The following FIGNL1 variants were observed in gnomAD, a reference collection of about 807,000 sequenced individuals.
The protein encoded by FIGNL1 is fidgetin like 1, also known as fidgetin-like protein 1.
Under a neutral mutation model 28.9 loss-of-function variants are expected in FIGNL1, and 11 were observed. The ratio of observed to expected loss-of-function variants is 0.38; its 90% CI spans 0.24 to 0.63. The LOEUF is 0.63. FIGNL1 is among the 20% of genes least tolerant of loss of function. The probability of loss-of-function intolerance (pLI) is 0.57; values close to 1 mark genes in which losing one functional copy is unlikely to be tolerated. For synonymous variants in FIGNL1, 295 were observed against 276.5 expected, an observed-to-expected ratio of 1.07 and a Z score of -0.66; for missense variants, 789 against 810.4, an observed-to-expected ratio of 0.97 and a Z score of 0.32.
In FIGNL1 at chr7:50,446,880, T is replaced by C; in HGVS notation, c.408A>G (p.Ser136=). The C allele has an allele frequency of 6.2e-7, 1 of 1,614,228 alleles. No individual in the cohort carries two copies. The highest frequency in any genetic ancestry group is 8.5e-7 in the Non-Finnish European group (1 of 1,180,036). ...KDSLLEPALA[S]VVIHKEATVF... ...CAGTGGCCTCCTTATGGATTACCAC[T>C]GATGCAAGAGCAGGTTCCAACAGAG... Residue 136 remains serine (S), a synonymous_variant, in exon 4 of 4, where the codon TCA becomes TCG. Coordinates refer to ENST00000433017, the MANE Select transcript of FIGNL1 (RefSeq NM_001287492.4).
In FIGNL1 at chr7:50,446,213, T is replaced by G; in HGVS notation, c.1075A>C (p.Lys359Gln). ...GGEQNGGMQCKPYGAGPTEPA... is the reference protein window; with the variant it reads ...GGEQNGGMQCQPYGAGPTEPA... ...TCTGTAGGTCCTGCCCCATAAGGCT[T>G]ACATTGCATTCCTCCATTCTGCTCT... Residue 359 changes from lysine to glutamine, a missense_variant, in exon 4 of 4, where the codon AAG (lysine) becomes CAG (glutamine). Transcript: ENST00000433017. 6.2e-7 allele frequency: 1 copy of G among 1,614,218 alleles called. No individual in the cohort carries two copies.
chr7:50,445,649 G>A lies in FIGNL1; in HGVS notation c.1639C>T (p.Arg547Trp), dbSNP rs148546983. ...GCAGCCTCATCAATTTCTTGTGGCC[G>A]ATTTGTTGCTCCCACCACTAGGATA... ...DRILVVGATN[R>W]PQEIDEAARR... Residue 547 changes from arginine to tryptophan, a missense_variant, in exon 4 of 4, where the codon CGG becomes TGG. Physicochemically the swap from Arg to Trp is moderately radical, Grantham distance 101. Coordinates refer to ENST00000433017, the MANE Select transcript of FIGNL1 (RefSeq NM_001287492.4). The A allele has an allele frequency of 5.0e-6, 8 of 1,613,966 alleles. No individual in the cohort carries two copies. Among genetic ancestry groups the A allele is most frequent in the African/African-American group, 4.0e-5 (3 of 75,020 alleles).
rs765785150 is a variant in FIGNL1 at position 50,445,988 on chromosome 7, G to T, written c.1300C>A (p.Pro434Thr). 5 of 1,613,952 alleles carry T rather than the reference G, an allele frequency of 3.1e-6. No homozygotes were observed. The South Asian group carries it at 5.5e-5, about 18-fold the overall frequency. Residue 434 changes from proline (P) to threonine (T), a missense_variant, in exon 4 of 4, where the codon CCT becomes ACT. Pro to Thr is a conservative substitution (Grantham distance 38). Coordinates refer to ENST00000433017, the MANE Select transcript of FIGNL1 (RefSeq NM_001287492.4). Reference protein sequence around the residue: ...PDIFTGLRGPPKGILLFGPPG... With the variant: ...PDIFTGLRGPTKGILLFGPPG... ...GGACCAAAGAGCAAAATTCCTTTAG[G>T]GGGTCCCCTTAAACCAGTAAAGATG...
In FIGNL1 at chr7:50,449,715, G is replaced by A. The variant is rs112939024; in HGVS notation, c.-717C>T. 105 of 152,340 alleles carry A rather than the reference G, an allele frequency of 6.9e-4. 1 individual carries two copies. The highest frequency in any genetic ancestry group is 2.5e-3 in the African/African-American group (104 of 41,566). 9.4% of individuals were successfully genotyped at this position (152,340 alleles called of 1,614,324 possible). A position where few individuals can be genotyped will look rare whatever the true frequency, so the allele number is the denominator to read the frequency against. On this transcript the variant is annotated 5_prime_UTR_variant, in exon 2 of 4. Coordinates refer to ENST00000433017, the MANE Select transcript of FIGNL1 (RefSeq NM_001287492.4). Reference sequence around the variant, plus strand: ...GAAAATCTCTTAATGTCTTTCTGCCGGTTTTCACCTATAAAAGAAGCGCAG... The same window carrying A: ...GAAAATCTCTTAATGTCTTTCTGCCAGTTTTCACCTATAAAAGAAGCGCAG...
At position 50,446,024 on chromosome 7, in the gene FIGNL1, A is replaced by G; in HGVS notation, c.1264T>C (p.Leu422=). The G allele has an allele frequency of 1.9e-6, 3 of 1,614,226 alleles. No homozygotes were observed. Among genetic ancestry groups the G allele is most frequent in the East Asian group, 2.2e-5 (1 of 44,890 alleles). Residue 422 remains leucine (L), a synonymous_variant, in exon 4 of 4, where the codon TTG becomes CTG. Transcript: ENST00000433017. The stretch of plus-strand genomic sequence containing the variant: ...AAACCAGTAAAGATGTCTGGCCTCA[A>G]CATGGGCCACACAACTATTTCCTTT... ...TIKEIVVWPM[L]RPDIFTGLRG... is the part of the protein sequence containing the mutation.
rs750043817 is a variant in FIGNL1, at chr7:50,446,319, A to G, written c.969T>C (p.Gly323=). The change falls in exon 4 of 4, where the codon GGT becomes GGC. Residue 323 remains glycine, a synonymous_variant. Transcript: ENST00000433017. The stretch of plus-strand genomic sequence containing the variant: ...TACTAGCTCCTAGAGACTTTTTTAC[A>G]CCACCATATGAAGACCCTGATGCAC... ...PQRASGSSYG[G]VKKSLGASRS... 1 of 1,614,038 alleles carries G rather than the reference A, an allele frequency of 6.2e-7. No individual in the cohort carries two copies. Among genetic ancestry groups the G allele is most frequent in the Non-Finnish European group, 8.5e-7 (1 of 1,180,010 alleles).
rs747409875 is a variant in FIGNL1 at position 50,445,483 on chromosome 7, G to A, written c.1805C>T (p.Ala602Val). Reference protein sequence around the residue: ...EIEQIVQQSDAFSGADMTQLC... With the variant: ...EIEQIVQQSDVFSGADMTQLC... ...CTGTGTCATGTCTGCTCCTGAAAAC[G>A]CATCAGACTGCTGTACAATCTGTTC... Residue 602 changes from alanine (A) to valine (V), a missense_variant, in exon 4 of 4, where the codon GCG (alanine) becomes GTG (valine). Coordinates refer to ENST00000433017, the MANE Select transcript of FIGNL1 (RefSeq NM_001287492.4). The A allele has an allele frequency of 9.9e-5, 160 of 1,613,968 alleles. No homozygotes were observed. Among genetic ancestry groups the A allele is most frequent in the Non-Finnish European group, 1.1e-4 (131 of 1,179,992 alleles).
intron 1 of FIGNL1, chr7:50,450,031 C>T: frequency 6.6e-6 from 1 of 152,540 alleles, no homozygotes; most frequent in Non-Finnish European, 1.5e-5. Flanking sequence ...GCAGACCTGG[C>T]CCCGAGCCTG....
rs1821554243 is a variant in FIGNL1 at position 50,449,149 on chromosome 7, A to C, written c.-151T>G. On this transcript the variant is annotated 5_prime_UTR_variant, in exon 2 of 4. Transcript: ENST00000433017. ...GTTCTAGTCACTGTTCTCAGAATAA[A>C]CCCCCTTCTCTTTTCCATCTTCACC... is the stretch of plus-strand genomic sequence containing the variant. The C allele has an allele frequency of 6.6e-6, 1 of 151,966 alleles. No homozygotes were observed. Among genetic ancestry groups the C allele is most frequent in the Non-Finnish European group, 1.5e-5 (1 of 67,986 alleles). 9.4% of individuals were successfully genotyped at this position (151,966 alleles called of 1,614,324 possible). A position where few individuals can be genotyped will look rare whatever the true frequency, so the allele number is the denominator to read the frequency against.
chr7:50,446,671 G>A lies in FIGNL1; in HGVS notation c.617C>T (p.Pro206Leu). ...TARTCPTFSA[P>L]VGESATAKFH... ...TTTTGCAGTAGCTGACTCACCTACA[G>A]GTGCTGAGAATGTAGGACAAGTCCT... The change falls in exon 4 of 4, where the codon CCT becomes CTT. Residue 206 changes from proline (P) to leucine (L), a missense_variant. Pro to Leu is a moderately conservative substitution (Grantham distance 98). Transcript: ENST00000433017. 1 of 1,614,204 alleles carries A rather than the reference G, an allele frequency of 6.2e-7. No homozygotes were observed. The highest frequency in any genetic ancestry group is 8.5e-7 in the Non-Finnish European group (1 of 1,180,032).
Position 50,446,338 on chromosome 7 carries a change from G to A in FIGNL1, c.950C>T (p.Ser317Leu), listed in dbSNP as rs557854214. 6.2e-7 allele frequency: 1 copy of A among 1,614,006 alleles called. No individual in the cohort carries two copies. Among genetic ancestry groups the A allele is most frequent in the Non-Finnish European group, 8.5e-7 (1 of 1,180,036 alleles). Residue 317 changes from serine to leucine, a missense_variant, in exon 4 of 4, where the codon TCA (serine) becomes TTA (leucine). Coordinates refer to ENST00000433017, the MANE Select transcript of FIGNL1 (RefSeq NM_001287492.4). ...TTTTACACCACCATATGAAGACCCT[G>A]ATGCACGCTGAGGTTGGTGGTACTT... ...QKKYHQPQRA[S>L]GSSYGGVKKS... is the part of the protein sequence containing the mutation.
chr7:50,446,184 T>G lies in FIGNL1; in HGVS notation c.1104A>C (p.Pro368=), dbSNP rs1314259810. Residue 368 remains proline (P), a synonymous_variant, in exon 4 of 4, where the codon CCA becomes CCC. Transcript: ENST00000433017. ...TCAGACGCTCATCAACTGGATGTGC[T>G]GGTTCTGTAGGTCCTGCCCCATAAG... ...CKPYGAGPTE[P]AHPVDERLKN... is the part of the protein sequence containing the mutation. 3 of 1,614,234 alleles carry G rather than the reference T, an allele frequency of 1.9e-6. No individual in the cohort carries two copies. In the East Asian group the frequency reaches 6.7e-5, roughly 36 times the overall value.
Position 50,445,133 on chromosome 7 carries a change from T to G in FIGNL1, c.*130A>C. On this transcript the variant is annotated 3_prime_UTR_variant, in exon 4 of 4. Coordinates refer to ENST00000433017, the MANE Select transcript of FIGNL1 (RefSeq NM_001287492.4). ...TACACTATGTCAATCAGATGTAAAA[T>G]CTGTGCTATTATTTGAAGTACAGAA... The G allele has an allele frequency of 3.5e-6, 2 of 566,288 alleles. No individual in the cohort carries two copies. The allele number at this position is 566,288 out of a possible 1,614,324, so 35.1% of individuals were successfully genotyped here. A position where few individuals can be genotyped will look rare whatever the true frequency, so the allele number is the denominator to read the frequency against.
At position 50,445,676 on chromosome 7, in the gene FIGNL1, G is replaced by C; in HGVS notation, c.1612C>G (p.Arg538Gly). 6.2e-7 allele frequency: 1 copy of C among 1,614,036 alleles called. No homozygotes were observed. Residue 538 changes from arginine (R) to glycine (G), a missense_variant, in exon 4 of 4, where the codon CGT (arginine) becomes GGT (glycine). Arg to Gly is a moderately radical substitution (Grantham distance 125). Transcript: ENST00000433017. ...TTTGTTGCTCCCACCACTAGGATAC[G>C]ATCTTCAGAAGATGTTGTTGCTCCA... ...LDGATTSSED[R>G]ILVVGATNRP...
At position 50,446,657 on chromosome 7, in the gene FIGNL1, C is replaced by G. The variant is rs771754503; in HGVS notation, c.631G>C (p.Ala211Pro). Residue 211 changes from alanine to proline, a missense_variant, in exon 4 of 4, where the codon GCT becomes CCT. By Grantham distance (27) the Ala-to-Pro change is conservative. Coordinates refer to ENST00000433017, the MANE Select transcript of FIGNL1 (RefSeq NM_001287492.4). ...GGTGTGACATGGAATTTTGCAGTAG[C>G]TGACTCACCTACAGGTGCTGAGAAT... ...PTFSAPVGES[A>P]TAKFHVTPLF... 6.2e-7 allele frequency: 1 copy of G among 1,614,188 alleles called. No homozygotes were observed. The highest frequency in any genetic ancestry group is 8.5e-7 in the Non-Finnish European group (1 of 1,180,030).
chr7:50,446,944 A>T lies in FIGNL1; in HGVS notation c.344T>A (p.Val115Glu). ...SINNVFKMSS[V>E]QKMMQAGKKF... is the part of the protein sequence containing the mutation. ...TTTGCCAGCTTGCATCATCTTCTGTACACTACTCATTTTGAAAACATTATT... is the reference window on the plus strand; with the variant it reads ...TTTGCCAGCTTGCATCATCTTCTGTTCACTACTCATTTTGAAAACATTATT... The change falls in exon 4 of 4, where the codon GTA becomes GAA. Residue 115 changes from valine (V) to glutamate (E), a missense_variant. Val to Glu is a moderately radical substitution (Grantham distance 121, BLOSUM62 -2). Coordinates refer to ENST00000433017, the MANE Select transcript of FIGNL1 (RefSeq NM_001287492.4). 1 of 1,614,202 alleles carries T rather than the reference A, an allele frequency of 6.2e-7. No homozygotes were observed. The highest frequency in any genetic ancestry group is 8.5e-7 in the Non-Finnish European group (1 of 1,180,030).
Position 50,445,500 on chromosome 7 carries a change from A to T in FIGNL1, c.1788T>A (p.Ile596=). ...CTGAAAACGCATCAGACTGCTGTAC[A>T]ATCTGTTCAATTTCTTCTTCACTGA... ...CCLSEEEIEQ[I]VQQSDAFSGA... is the part of the protein sequence containing the mutation. The change falls in exon 4 of 4, where the codon ATT becomes ATA. Residue 596 remains isoleucine, a synonymous_variant. Transcript: ENST00000433017. The T allele has an allele frequency of 6.2e-7, 1 of 1,614,194 alleles. No individual in the cohort carries two copies.
At position 50,446,700 on chromosome 7, in the gene FIGNL1, A is replaced by C; in HGVS notation, c.588T>G (p.Thr196=). 6.2e-7 allele frequency: 1 copy of C among 1,614,250 alleles called. No individual in the cohort carries two copies. Among genetic ancestry groups the C allele is most frequent in the Non-Finnish European group, 8.5e-7 (1 of 1,180,052 alleles). Residue 196 remains threonine, a synonymous_variant, in exon 4 of 4, where the codon ACT becomes ACG. Coordinates refer to ENST00000433017, the MANE Select transcript of FIGNL1 (RefSeq NM_001287492.4). ...CTGAGAATGTAGGACAAGTCCTAGC[A>C]GTGTTAGTCACCATAGGTGGCTGGG... ...QNAQPPMVTN[T]ARTCPTFSAP...
At chr7:50,448,780 G>A (rs924359859) in intron 2 of FIGNL1, 8 of 152,182 alleles carry the variant, frequency 5.3e-5, no homozygotes, top group Non-Finnish European at 1.2e-4. Flanking sequence ...AAAGACATTT[G>A]TCACATTGTA....
Sources: allele counts gnomAD v4.1 joint callset, GRCh38; gene constraint gnomAD v4.1.1; transcripts MANE v1.5; gene names NCBI Gene and HGNC (gene_info 2026-07-23, HGNC 2026-07-21).